Variants in YEATS2 observed in about 807,000 individuals in gnomAD.
YEATS2 encodes the protein YEATS domain-containing protein 2.
In YEATS2, 77 loss-of-function variants were observed where a neutral mutation model predicts 163.2. The ratio of observed to expected loss-of-function variants is 0.47; its 90% confidence interval spans 0.39 to 0.57. The LOEUF (loss-of-function observed/expected upper bound fraction) is 0.57. YEATS2 is among the 20% of genes least tolerant of loss of function. The pLI is 0.00. For missense variants in YEATS2, 1,549 were observed against 1,729.8 expected, an observed-to-expected ratio of 0.90 and a Z score of 1.85; for synonymous variants, 631 against 645.1, an observed-to-expected ratio of 0.98 and a Z score of 0.33.
At position 183,803,927 on chromosome 3, in the gene YEATS2, C is replaced by T. The variant is rs1725929355; in HGVS notation, c.3583-60C>T. ...GATGGTGATTTATGGTTGCATGATA[C>T]GTAGTTGTGTTAAGTGGAAGGATTT... is the stretch of plus-strand genomic sequence containing the variant. On this transcript the variant is annotated intron_variant, in intron 26 of 30. Transcript: ENST00000305135. 7 of 1,555,490 alleles carry T rather than the reference C, an allele frequency of 4.5e-6. No homozygotes were observed. The East Asian group carries it at 9.0e-5, about 20-fold the overall frequency.
At chr3:183,753,018 G>A (rs909767185) in intron 10 of YEATS2, among the ~76,000 whole-genome samples, 3 of 151,844 alleles carry the variant, frequency 2.0e-5, no homozygotes, top group Admixed American at 6.6e-5. Flanking sequence ...GGCTGGTCTC[G>A]AACTCATGAC....
chr3:183,809,457 A>T lies in YEATS2; in HGVS notation c.4160+287A>T, dbSNP rs1726568067. 1.1e-5 allele frequency: 3 copies of T among 264,592 alleles called. No homozygotes were observed. In the South Asian group the frequency reaches 3.4e-4, roughly 30 times the overall value. 16.4% of individuals were successfully genotyped at this position (264,592 alleles called of 1,614,324 possible). ...GGGTTGAATAAATATTAGCTTTGCA[A>T]TTAAAGATAACAGTGTCCATTACAT... On this transcript the variant is annotated intron_variant, in intron 30 of 30. Transcript: ENST00000305135.
intron 17 of YEATS2, among the ~76,000 whole-genome samples, chr3:183,774,933 G>A (rs988658577): frequency 6.6e-6 from 1 of 152,154 alleles, no homozygotes; most frequent in African/African-American, 2.4e-5. Flanking sequence ...TTAGATTCTT[G>A]TGATATCCTT....
At position 183,772,416 on chromosome 3, in the gene YEATS2, G is replaced by T. The variant is rs750178557; in HGVS notation, c.2059G>T (p.Val687Phe). 3 of 1,614,120 alleles carry T rather than the reference G, an allele frequency of 1.9e-6. No individual in the cohort carries two copies. In the Admixed American group the frequency reaches 5.0e-5, roughly 27 times the overall value. The change falls in exon 16 of 31, where the codon GTT becomes TTT. Residue 687 changes from valine to phenylalanine, a missense_variant. Coordinates refer to ENST00000305135, the MANE Select transcript of YEATS2 (RefSeq NM_018023.5). The stretch of plus-strand genomic sequence containing the variant: ...GGCCAGCTCTTCTGTCTCCAAAGCA[G>T]TTGGGCCAAAGCAAGTTGTAACCCA... ...AKASSSVSKA[V>F]GPKQVVTQGV...
intron 7 of YEATS2, among the ~76,000 whole-genome samples, chr3:183,734,138 A>G (rs892552052): frequency 7.9e-5 from 12 of 152,234 alleles, no homozygotes; most frequent in Admixed American, 6.5e-4. Context: ...TCGAGTAGCC[A>G]CATTAGAGAA....
chr3:183,799,080 C>A, intron 23 of YEATS2, 91 bp downstream of exon 23: 1 of 935,078 alleles, frequency 1.1e-6, no homozygotes. Context: ...AAGCTTTATG[C>A]GGGACATTAC....
chr3:183,804,460 G>C (rs1256334484), intron 27 of YEATS2, among the ~76,000 whole-genome samples: 1 of 152,188 alleles, frequency 6.6e-6, no homozygotes, highest in Non-Finnish European at 1.5e-5. Context: ...TTTCTTCTTT[G>C]AAGACTCCTA....
At chr3:183,780,346 C>T (rs187921612) in intron 19 of YEATS2, among the ~76,000 whole-genome samples, 1 of 152,320 alleles carries the variant, frequency 6.6e-6, no homozygotes, top group African/African-American at 2.4e-5. Context: ...TTGCCTCAAG[C>T]TTCTGCTATC....
rs748357720 is a variant in YEATS2 at position 183,721,969 on chromosome 3, TCTC to T, written c.373_375del (p.Pro125del). The T allele has an allele frequency of 1.1e-5, 17 of 1,614,178 alleles. No homozygotes were observed. Among genetic ancestry groups the T allele is most frequent in the African/African-American group, 1.3e-5 (1 of 75,048 alleles). ...TTTGGAATCACCATCTAGGTCATCA[TCTC>T]CTGCCAATCAGAGAGCAGAAACACC... On this transcript the variant is annotated inframe_deletion, in exon 5 of 31. Coordinates refer to ENST00000305135, the MANE Select transcript of YEATS2 (RefSeq NM_018023.5).
Position 183,747,721 on chromosome 3 carries a change from G to GTT in YEATS2, c.969+11_969+12dup, listed in dbSNP as rs1270253877. 6.2e-7 allele frequency: 1 copy of GTT among 1,611,808 alleles called. No homozygotes were observed. On this transcript the variant is annotated splice_donor_region_variant and intron_variant, in intron 9 of 30. Coordinates refer to ENST00000305135, the MANE Select transcript of YEATS2 (RefSeq NM_018023.5). Reference sequence around the variant, plus strand: ...CAGACTCTTGGAGCAGAGACGGTAGGTTTTTTTCCTACAGTATTATCTGGG... The same window carrying GTT: ...CAGACTCTTGGAGCAGAGACGGTAGGTTTTTTTTTCCTACAGTATTATCTGGG...
intron 20 of YEATS2, among the ~76,000 whole-genome samples, chr3:183,789,888 CT>C (rs1329538063): frequency 6.6e-6 from 1 of 152,016 alleles, no homozygotes; most frequent in East Asian, 1.9e-4. Flanking sequence ...AAACTTTATT[CT>C]TTTTTATGTA....
chr3:183,774,665 TGAAAAG>T (rs1382911582), intron 17 of YEATS2, among the ~76,000 whole-genome samples: 1 of 152,142 alleles, frequency 6.6e-6, no homozygotes, highest in Non-Finnish European at 1.5e-5. Flanking sequence ...TGGGCAGTGT[TGAAAAG>T]GATAGGATAA....
At chr3:183,757,623 C>T (rs2109323729) in intron 12 of YEATS2, among the ~76,000 whole-genome samples, 1 of 152,220 alleles carries the variant, frequency 6.6e-6, no homozygotes. Context: ...CTATAAACTT[C>T]CCTGAAGTTT....
intron 15 of YEATS2, among the ~76,000 whole-genome samples, chr3:183,764,497 T>C (rs1395901667): frequency 6.6e-6 from 1 of 150,414 alleles, no homozygotes; most frequent in African/African-American, 2.5e-5. Flanking sequence ...AGCTATCAGA[T>C]AGAGATTAGG....
intron 11 of YEATS2, among the ~76,000 whole-genome samples, chr3:183,755,865 G>C (rs770768114): frequency 1.4e-5 from 2 of 147,076 alleles, no homozygotes; most frequent in East Asian, 4.1e-4. Context: ...TCCTGCCTCA[G>C]CCTCTCGAGG....
rs750489164 is a variant in YEATS2 at position 183,808,123 on chromosome 3, C to T, written c.4086+19C>T. ...CCTGAAGGTGGGTGCCTGCAGGGGCCGCCAGCCAGGAAGGATGGTTGCATC... is the reference window on the plus strand; with the variant it reads ...CCTGAAGGTGGGTGCCTGCAGGGGCTGCCAGCCAGGAAGGATGGTTGCATC... On this transcript the variant is annotated intron_variant, in intron 29 of 30. Coordinates refer to ENST00000305135, the MANE Select transcript of YEATS2 (RefSeq NM_018023.5). 67 of 1,547,828 alleles carry T rather than the reference C, an allele frequency of 4.3e-5. 1 individual carries two copies. The highest frequency in any genetic ancestry group is 1.3e-4 in the South Asian group (11 of 83,718).
chr3:183,754,342 C>T lies in YEATS2; in HGVS notation c.1367C>T (p.Thr456Ile). Reference protein sequence around the residue: ...ESPGKSFQPITMSCKIVSGSP... With the variant: ...ESPGKSFQPIIMSCKIVSGSP... ...CCTGGAAAATCCTTCCAGCCCATCA[C>T]CATGAGCTGCAAGATTGTGTCAGGT... The change falls in exon 11 of 31, where the codon ACC becomes ATC. Residue 456 changes from threonine to isoleucine, a missense_variant. Coordinates refer to ENST00000305135, the MANE Select transcript of YEATS2 (RefSeq NM_018023.5). The T allele has an allele frequency of 6.2e-7, 1 of 1,613,804 alleles. No individual in the cohort carries two copies. The highest frequency in any genetic ancestry group is 8.5e-7 in the Non-Finnish European group (1 of 1,179,752).
intron 7 of YEATS2, among the ~76,000 whole-genome samples, 196 bp downstream of exon 7, chr3:183,729,047 C>T (rs370283730): frequency 2.6e-5 from 4 of 152,026 alleles, no homozygotes; most frequent in African/African-American, 7.2e-5. Context: ...CCAAGGCAGG[C>T]GGATCATGAG....
intron 21 of YEATS2, among the ~76,000 whole-genome samples, chr3:183,795,227 C>CA (rs1383575928): frequency 1.3e-5 from 2 of 151,216 alleles, no homozygotes; most frequent in East Asian, 3.9e-4. Flanking sequence ...AATAGTAAAT[C>CA]AGTAGGTAAA....
Sources: allele counts gnomAD v4.1 joint callset (sites outside exome capture counted in the v4.1 genomes callset), GRCh38; gene constraint gnomAD v4.1.1; transcripts MANE v1.5; gene names NCBI Gene and HGNC (gene_info 2026-07-23, HGNC 2026-07-21).